The following PKIB variants were observed in gnomAD, a reference collection of about 807,000 sequenced individuals.
The protein encoded by PKIB is PKI-beta.
In PKIB, 2 loss-of-function variants were observed where a neutral mutation model predicts 4.5. The ratio of observed to expected loss-of-function variants is 0.44; its 90% CI spans 0.18 to 1.39. PKIB has a LOEUF of 1.39. PKIB is among the 40% of genes most tolerant of loss of function. PKIB has a pLI of 0.27. For missense variants in PKIB, 94 were observed against 92.6 expected (o/e 1.02, Z -0.06); for synonymous variants, 38 against 36.0 (o/e 1.06, Z -0.20).
chr6:122,708,790 C>T (rs142774790), intron 3 of PKIB, among the ~76,000 whole-genome samples: 120 of 152,162 alleles, frequency 7.9e-4, no homozygotes, highest in South Asian at 1.9e-3. Flanking sequence ...TGCGTCACCA[C>T]GCCTGGCTAA....
intron 1 of PKIB, among the ~76,000 whole-genome samples, chr6:122,620,876 C>T (rs1775199306): frequency 6.6e-6 from 1 of 152,054 alleles, no homozygotes; most frequent in Admixed American, 6.6e-5. Context: ...TTAGTTGCAG[C>T]AAAGATTTCT....
intron 3 of PKIB, among the ~76,000 whole-genome samples, chr6:122,685,065 G>A (rs1778044046): frequency 1.3e-5 from 2 of 152,056 alleles, no homozygotes; most frequent in African/African-American, 4.8e-5. Flanking sequence ...TATTGAAAAT[G>A]TGTTATGAAA....
intron 2 of PKIB, among the ~76,000 whole-genome samples, chr6:122,652,539 A>G (rs1258393402): frequency 6.6e-6 from 1 of 152,084 alleles, no homozygotes; most frequent in Non-Finnish European, 1.5e-5. Context: ...AATCTCCTTT[A>G]CTTAAATCAA....
chr6:122,565,964 AC>A (rs1365013683), intron 2 of PKIB, among the ~76,000 whole-genome samples: 2 of 152,146 alleles, frequency 1.3e-5, no homozygotes, highest in Non-Finnish European at 2.9e-5. Flanking sequence ...CTCTTAGGCA[AC>A]ATCTTTTATG....
intron 2 of PKIB, among the ~76,000 whole-genome samples, chr6:122,662,456 T>C (rs1777046632): frequency 6.6e-6 from 1 of 151,090 alleles, no homozygotes; most frequent in African/African-American, 2.4e-5. Flanking sequence ...GCTGCGATTA[T>C]AGGCATGCAC....
chr6:122,607,244 C>T (rs552151941), upstream of PKIB, among the ~76,000 whole-genome samples: 15 of 151,858 alleles, frequency 9.9e-5, no homozygotes, highest in African/African-American at 1.4e-4. Flanking sequence ...AAGGCCAAGA[C>T]GGGTGGATCG....
intron 2 of PKIB, among the ~76,000 whole-genome samples, chr6:122,529,229 T>C (rs1477072664): frequency 6.6e-6 from 1 of 152,158 alleles, no homozygotes; most frequent in Non-Finnish European, 1.5e-5. Flanking sequence ...TACATAGATA[T>C]TTTCTTTGTG....
At chr6:122,666,238 G>T (rs1378449336) in intron 2 of PKIB, among the ~76,000 whole-genome samples, 1 of 152,108 alleles carries the variant, frequency 6.6e-6, no homozygotes, top group Non-Finnish European at 1.5e-5. Context: ...CTCTCAGCCA[G>T]ATTCAAACAG....
At chr6:122,501,195 C>T (rs1776224246) in intron 2 of PKIB, among the ~76,000 whole-genome samples, 1 of 152,208 alleles carries the variant, frequency 6.6e-6, no homozygotes, top group Admixed American at 6.5e-5. Flanking sequence ...ACTTAAAAGT[C>T]CAACTCCAAA....
At chr6:122,660,638 T>G (rs1251949570) in intron 2 of PKIB, among the ~76,000 whole-genome samples, 1 of 152,190 alleles carries the variant, frequency 6.6e-6, no homozygotes, top group Non-Finnish European at 1.5e-5. Flanking sequence ...TCTGTTTCAT[T>G]AAGTACAAAT....
chr6:122,479,410 C>T (rs553634760), intron 2 of PKIB: 1 of 152,124 alleles, frequency 6.6e-6, no homozygotes, highest in South Asian at 2.1e-4. Context: ...AATTGAGTGG[C>T]CTAGGAAACA....
intron 2 of PKIB, among the ~76,000 whole-genome samples, chr6:122,540,094 G>A (rs907876536): frequency 1.1e-4 from 17 of 151,914 alleles, no homozygotes; most frequent in African/African-American, 4.1e-4. Context: ...AGTCTTGCTA[G>A]CGATCTATTG....
chr6:122,661,026 A>G (rs1054305148), intron 2 of PKIB, among the ~76,000 whole-genome samples: 1 of 152,164 alleles, frequency 6.6e-6, no homozygotes, highest in Non-Finnish European at 1.5e-5. Context: ...TCCTAGTTCT[A>G]CATTTGAAAA....
intron 2 of PKIB, among the ~76,000 whole-genome samples, chr6:122,559,779 T>C (rs1392135734): frequency 6.6e-6 from 1 of 152,150 alleles, no homozygotes; most frequent in Non-Finnish European, 1.5e-5. Context: ...GGTATATTCC[T>C]AAGAATTTTA....
At chr6:122,648,958 T>C (rs1043410003) in intron 2 of PKIB, among the ~76,000 whole-genome samples, 1 of 152,148 alleles carries the variant, frequency 6.6e-6, no homozygotes, top group Non-Finnish European at 1.5e-5. Flanking sequence ...TGCCTCCCCA[T>C]GGCCATTGTT....
At chr6:122,529,739 C>T (rs1777199608) in intron 2 of PKIB, among the ~76,000 whole-genome samples, 1 of 152,138 alleles carries the variant, frequency 6.6e-6, no homozygotes, top group African/African-American at 2.4e-5. Context: ...TTCCTTTCTA[C>T]ACTTTGAATG....
At chr6:122,524,242 CTTCTTT>C (rs965354510) in intron 2 of PKIB, among the ~76,000 whole-genome samples, 3 of 144,456 alleles carry the variant, frequency 2.1e-5, no homozygotes, top group Non-Finnish European at 4.5e-5. Flanking sequence ...CCTCATCCTC[CTTCTTT>C]TTCTTTTCCT....
chr6:122,597,429 T>G (rs1211287326), intron 3 of PKIB, among the ~76,000 whole-genome samples: 1 of 152,188 alleles, frequency 6.6e-6, no homozygotes. Flanking sequence ...GCATACAAGG[T>G]ACCAGGAGAT....
At chr6:122,515,248 A>G (rs1776710997) in intron 2 of PKIB, among the ~76,000 whole-genome samples, 1 of 152,214 alleles carries the variant, frequency 6.6e-6, no homozygotes, top group Non-Finnish European at 1.5e-5. Flanking sequence ...AAACAATAAA[A>G]TACAAAAATG....
Sources: gnomAD v4.1 joint callset for allele counts (sites outside exome capture counted in the v4.1 genomes callset) on GRCh38, gnomAD v4.1.1 for gene constraint, MANE v1.5 for transcripts, NCBI Gene and HGNC (gene_info 2026-07-23, HGNC 2026-07-21) for gene names.